MECOM: variants seen among roughly 807,000 people sequenced by gnomAD.
MECOM encodes the protein MDS1 and EVI1 complex locus, also known as histone-lysine N-methyltransferase MECOM.
A neutral mutation model predicts 116.3 loss-of-function variants in MECOM; 13 were observed. The observed-to-expected ratio is 0.11, with a 90% confidence interval of 0.07 to 0.18. The LOEUF (loss-of-function observed/expected upper bound fraction) is 0.18, where lower values mean the gene tolerates loss of function less well. Among genes scored for constraint, MECOM ranks in the 10% least tolerant of loss-of-function variants. The pLI is 1.00. For missense variants in MECOM, 1,299 were observed against 1,509.0 expected (o/e 0.86, Z 2.31); for synonymous variants, 528 against 535.2 (o/e 0.99, Z 0.19).
At chr3:169,462,346 A>C (rs1372462195) in intron 1 of MECOM, among the ~76,000 whole-genome samples, 1 of 152,208 alleles carries the variant, frequency 6.6e-6, no homozygotes. Context: ...GATGGGCTTA[A>C]TGTCAGACAG....
At chr3:169,576,796 TACACACACACACACACAC>T (rs373881811) in intron 1 of MECOM, among the ~76,000 whole-genome samples, 45 of 136,586 alleles carry the variant, frequency 3.3e-4, no homozygotes, top group African/African-American at 9.3e-4. Flanking sequence ...CTTCCTGTTT[TACACACACACACACACAC>T]ACACACACAC....
chr3:169,108,921 C>A (rs1726354820), intron 9 of MECOM, among the ~76,000 whole-genome samples: 1 of 152,122 alleles, frequency 6.6e-6, no homozygotes, highest in South Asian at 2.1e-4. Flanking sequence ...AAAAGAGAGT[C>A]TGTTGCAGAT....
In MECOM at chr3:169,424,590, T is replaced by A. The variant is rs145125845; in HGVS notation, c.38-43066A>T. Among the ~76,000 whole-genome samples, 651 of 152,252 alleles carry A rather than the reference T, an allele frequency of 4.3e-3. 4 individuals carry two copies. Among genetic ancestry groups the A allele is most frequent in the Non-Finnish European group, 7.4e-3 (504 of 68,008 alleles). On this transcript the variant is annotated intron_variant, in intron 1 of 16. Coordinates refer to ENST00000651503, the MANE Select transcript of MECOM (RefSeq NM_004991.4). Reference sequence around the variant, plus strand: ...TCTGAAGGGTACACAATGTGAAACATGACTGGCAAGTTTTCTCCATAAACA... The same window carrying A: ...TCTGAAGGGTACACAATGTGAAACAAGACTGGCAAGTTTTCTCCATAAACA...
At chr3:169,269,970 G>GTA (rs1491043242) in intron 2 of MECOM, among the ~76,000 whole-genome samples, 1 of 115,484 alleles carries the variant, frequency 8.7e-6, no homozygotes, top group Non-Finnish European at 1.5e-5. Context: ...ATATAAAGGT[G>GTA]TGTGTGTGTG....
intron 1 of MECOM, among the ~76,000 whole-genome samples, chr3:169,532,502 T>A (rs1439506107): frequency 6.6e-6 from 1 of 152,164 alleles, no homozygotes; most frequent in Non-Finnish European, 1.5e-5. Context: ...GTCAGAGGAT[T>A]CCATGCTAGA....
intron 1 of MECOM, among the ~76,000 whole-genome samples, chr3:169,617,949 A>G (rs760670634): frequency 6.6e-6 from 1 of 152,106 alleles, no homozygotes; most frequent in Non-Finnish European, 1.5e-5. Flanking sequence ...TTTATTCTTC[A>G]TAACCTTGGC....
intron 1 of MECOM, among the ~76,000 whole-genome samples, chr3:169,649,980 G>A (rs1774685335): frequency 1.3e-5 from 2 of 152,182 alleles, no homozygotes; most frequent in Admixed American, 1.3e-4. Context: ...AACCTTCTGT[G>A]TAAAGGAATG....
chr3:169,087,259 T>A (rs1718090373), intron 16 of MECOM, among the ~76,000 whole-genome samples: 1 of 152,040 alleles, frequency 6.6e-6, no homozygotes, highest in Non-Finnish European at 1.5e-5. Flanking sequence ...TTACAATAAA[T>A]AAGAAGCATT....
At chr3:169,604,467 C>T (rs945922485) in intron 1 of MECOM, among the ~76,000 whole-genome samples, 5 of 152,214 alleles carry the variant, frequency 3.3e-5, no homozygotes, top group African/African-American at 1.2e-4. Flanking sequence ...AAGACTCTGG[C>T]TGGGACTACT....
intron 1 of MECOM, among the ~76,000 whole-genome samples, chr3:169,656,393 C>T (rs1465910824): frequency 1.3e-5 from 2 of 151,988 alleles, no homozygotes; most frequent in Non-Finnish European, 2.9e-5. Flanking sequence ...AAGCCAAAAG[C>T]ACGTTTGCTA....
intron 2 of MECOM, among the ~76,000 whole-genome samples, chr3:169,230,092 T>G (rs937682462): frequency 1.3e-5 from 2 of 152,198 alleles, no homozygotes; most frequent in East Asian, 3.9e-4. Context: ...TTTACTTCTA[T>G]GTTTACAAAA....
chr3:169,227,273 C>T (rs1481354396), intron 2 of MECOM, among the ~76,000 whole-genome samples: 1 of 152,038 alleles, frequency 6.6e-6, no homozygotes, highest in African/African-American at 2.4e-5. Context: ...AAAATACATA[C>T]TTTCTTCATA....
chr3:169,481,600 TCA>T (rs1364664870), intron 1 of MECOM, among the ~76,000 whole-genome samples: 1 of 151,992 alleles, frequency 6.6e-6, no homozygotes, highest in African/African-American at 2.4e-5. Flanking sequence ...TAAAAACTTT[TCA>T]CAGTGTCTAG....
At chr3:169,629,534 C>T (rs1450930203) in intron 1 of MECOM, among the ~76,000 whole-genome samples, 2 of 152,062 alleles carry the variant, frequency 1.3e-5, no homozygotes, top group African/African-American at 2.4e-5. Context: ...CTAATAACAA[C>T]TCTACTCCCC....
At chr3:169,456,958 T>A (rs1746621742) in intron 1 of MECOM, among the ~76,000 whole-genome samples, 1 of 152,186 alleles carries the variant, frequency 6.6e-6, no homozygotes, top group African/African-American at 2.4e-5. Context: ...GAGGCCCTGA[T>A]GTGAGGCAGG....
intron 2 of MECOM, among the ~76,000 whole-genome samples, chr3:169,217,897 G>A (rs1751612803): frequency 6.6e-6 from 1 of 150,392 alleles, no homozygotes; most frequent in African/African-American, 2.4e-5. Flanking sequence ...TTTCAGCATA[G>A]GGTAGTTTTT....
chr3:169,480,145 G>A (rs1751068517), intron 1 of MECOM, among the ~76,000 whole-genome samples: 1 of 152,162 alleles, frequency 6.6e-6, no homozygotes, highest in Non-Finnish European at 1.5e-5. Context: ...CTAACATATT[G>A]ACATGTGAAG....
chr3:169,573,783 T>C lies in MECOM; in HGVS notation c.37+89553A>G, dbSNP rs144413427. Among the ~76,000 whole-genome samples, 289 of 152,282 alleles carry C rather than the reference T, an allele frequency of 1.9e-3. 1 individual carries two copies. The highest frequency in any genetic ancestry group is 6.6e-3 in the African/African-American group (276 of 41,568). Reference sequence around the variant, plus strand: ...ATTTCCTAGGTACCAGTTTTTCCTATGGAAGATTTTTAAATTTCCTTCTAG... The same window carrying C: ...ATTTCCTAGGTACCAGTTTTTCCTACGGAAGATTTTTAAATTTCCTTCTAG... On this transcript the variant is annotated intron_variant, in intron 1 of 16. Transcript: ENST00000651503.
chr3:169,165,615 A>G (rs939754194), intron 2 of MECOM, among the ~76,000 whole-genome samples: 1 of 152,186 alleles, frequency 6.6e-6, no homozygotes, highest in Admixed American at 6.5e-5. Flanking sequence ...TTTATGTACC[A>G]TACGAAATTT....
Sources: gnomAD v4.1 joint callset for allele counts (sites outside exome capture counted in the v4.1 genomes callset) on GRCh38, gnomAD v4.1.1 for gene constraint, MANE v1.5 for transcripts, NCBI Gene and HGNC (gene_info 2026-07-23, HGNC 2026-07-21) for gene names.